The following B3GALT1 variants were observed in gnomAD, a reference collection of about 807,000 sequenced individuals.
The protein encoded by B3GALT1 is beta-1,3-galactosyltransferase 1.
Under a neutral mutation model 23.2 loss-of-function variants are expected in B3GALT1, and 10 were observed. The ratio of observed to expected loss-of-function variants is 0.43; its 90% CI spans 0.27 to 0.73. The LOEUF (loss-of-function observed/expected upper bound fraction) is 0.73. B3GALT1 is among the 30% of genes least tolerant of loss of function. The pLI is 0.21. For missense variants in B3GALT1, 299 were observed against 405.4 expected (o/e 0.74, Z 2.25); for synonymous variants, 156 against 141.5 (o/e 1.10, Z -0.73).
At chr2:167,426,290 T>TC (rs1698623167) in intron 1 of B3GALT1, among the ~76,000 whole-genome samples, 2 of 151,450 alleles carry the variant, frequency 1.3e-5, no homozygotes, top group Admixed American at 1.3e-4. Flanking sequence ...TTTTTTTTTT[T>TC]TTGAGATGGA....
At chr2:167,337,883 C>T (rs1309661786) in intron 1 of B3GALT1, among the ~76,000 whole-genome samples, 2 of 152,140 alleles carry the variant, frequency 1.3e-5, no homozygotes, top group Non-Finnish European at 2.9e-5. Context: ...TATTATTACT[C>T]ATATTGGAAC....
intron 3 of B3GALT1, among the ~76,000 whole-genome samples, chr2:167,776,467 G>A (rs1253073807): frequency 2.0e-5 from 3 of 152,146 alleles, no homozygotes; most frequent in African/African-American, 7.2e-5. Flanking sequence ...GATGACATAG[G>A]GTTTTCTGAG....
At chr2:167,570,692 G>T (rs1350392696) in intron 2 of B3GALT1, among the ~76,000 whole-genome samples, 1 of 151,686 alleles carries the variant, frequency 6.6e-6, no homozygotes, top group Admixed American at 6.6e-5. Flanking sequence ...ATGTCCTTTA[G>T]TTTTTTTCTT....
In B3GALT1 at chr2:167,569,032, A is replaced by G. The variant is rs192026710; in HGVS notation, c.-409-77877A>G. Among the ~76,000 whole-genome samples, 165 of 151,934 alleles carry G rather than the reference A, an allele frequency of 1.1e-3. 1 individual carries two copies. Among genetic ancestry groups the G allele is most frequent in the African/African-American group, 3.6e-3 (150 of 41,512 alleles). ...TTCCTTTTTCAAAGATCCATTGACC[A>G]TATTTATGTGGGCTTTTTCTGGGTT... On this transcript the variant is annotated intron_variant, in intron 2 of 4. Coordinates refer to ENST00000392690, the MANE Select transcript of B3GALT1 (RefSeq NM_020981.4).
chr2:167,667,216 G>A (rs12618544), intron 3 of B3GALT1, among the ~76,000 whole-genome samples: 1 of 152,004 alleles, frequency 6.6e-6, no homozygotes, highest in Admixed American at 6.5e-5. Context: ...ATGAAGCTTA[G>A]TTTGGCTGGA....
intron 3 of B3GALT1, among the ~76,000 whole-genome samples, chr2:167,663,285 T>G (rs1380385627): frequency 1.7e-4 from 26 of 152,066 alleles, no homozygotes; most frequent in Admixed American, 5.2e-4. Context: ...CAAAGGACAT[T>G]AACTCATCAT....
intron 1 of B3GALT1, among the ~76,000 whole-genome samples, chr2:167,299,620 A>G (rs1696413601): frequency 6.6e-6 from 1 of 152,168 alleles, no homozygotes; most frequent in South Asian, 2.1e-4. Flanking sequence ...AGCAACAATT[A>G]ACAAATAATA....
chr2:167,733,431 T>G (rs1449422452), intron 3 of B3GALT1, among the ~76,000 whole-genome samples: 2 of 150,966 alleles, frequency 1.3e-5, no homozygotes, highest in South Asian at 2.1e-4. Context: ...TTTTTTTTTT[T>G]AGCTCATCAG....
At chr2:167,761,218 CT>C (rs1382738069) in intron 3 of B3GALT1, among the ~76,000 whole-genome samples, 1 of 152,150 alleles carries the variant, frequency 6.6e-6, no homozygotes, top group Non-Finnish European at 1.5e-5. Flanking sequence ...AGTAGCAGGT[CT>C]TTTTTCTGCA....
At chr2:167,727,903 C>T (rs1245333526) in intron 3 of B3GALT1, among the ~76,000 whole-genome samples, 1 of 138,842 alleles carries the variant, frequency 7.2e-6, no homozygotes, top group African/African-American at 2.9e-5. Flanking sequence ...TGAAAGTCAG[C>T]TAGAAGCTTT....
At chr2:167,711,066 A>G (rs954717555) in intron 3 of B3GALT1, among the ~76,000 whole-genome samples, 13 of 151,868 alleles carry the variant, frequency 8.6e-5, no homozygotes, top group African/African-American at 3.1e-4. Context: ...TCTTTTACCC[A>G]TCTTCCACTT....
intron 1 of B3GALT1, among the ~76,000 whole-genome samples, chr2:167,378,049 GAA>G (rs1410386800): frequency 1.3e-5 from 2 of 152,140 alleles, no homozygotes; most frequent in Non-Finnish European, 2.9e-5. Flanking sequence ...TGCTTGACTG[GAA>G]AAAGATTTTA....
At chr2:167,581,356 A>C (rs1684480630) in intron 2 of B3GALT1, among the ~76,000 whole-genome samples, 1 of 152,224 alleles carries the variant, frequency 6.6e-6, no homozygotes, top group South Asian at 2.1e-4. Flanking sequence ...GAAACACTAT[A>C]ATAAATTGCT....
At chr2:167,324,356 A>G (rs1315739540) in intron 1 of B3GALT1, among the ~76,000 whole-genome samples, 1 of 151,956 alleles carries the variant, frequency 6.6e-6, no homozygotes, top group East Asian at 1.9e-4. Context: ...ACTTGTTTTG[A>G]TTGTCTTAGT....
At chr2:167,776,397 A>C (rs1329371601) in intron 3 of B3GALT1, among the ~76,000 whole-genome samples, 2 of 152,210 alleles carry the variant, frequency 1.3e-5, no homozygotes, top group African/African-American at 4.8e-5. Flanking sequence ...CCACTGGCTG[A>C]ACTTACTTAA....
At chr2:167,572,549 C>T (rs1684313394) in intron 2 of B3GALT1, among the ~76,000 whole-genome samples, 1 of 151,696 alleles carries the variant, frequency 6.6e-6, no homozygotes, top group South Asian at 2.1e-4. Flanking sequence ...TCATTTTAGC[C>T]ATGTCTCACC....
chr2:167,649,055 A>C (rs999949953), intron 3 of B3GALT1, among the ~76,000 whole-genome samples: 1 of 152,066 alleles, frequency 6.6e-6, no homozygotes, highest in Non-Finnish European at 1.5e-5. Context: ...AGAGCAAATA[A>C]TGTTTTTTTA....
chr2:167,542,407 A>C (rs1683548004), intron 2 of B3GALT1, among the ~76,000 whole-genome samples: 4 of 152,166 alleles, frequency 2.6e-5, no homozygotes, highest in African/African-American at 9.6e-5. Context: ...TTCTGTGTTT[A>C]AAATGTGGCC....
At chr2:167,849,095 G>A (rs574466530) in intron 4 of B3GALT1, among the ~76,000 whole-genome samples, 15 of 152,108 alleles carry the variant, frequency 9.9e-5, no homozygotes, top group Admixed American at 7.2e-4. Flanking sequence ...ACAAACAAAC[G>A]GAAACATATC....
Sources: gnomAD v4.1 joint callset for allele counts (sites outside exome capture counted in the v4.1 genomes callset) on GRCh38, gnomAD v4.1.1 for gene constraint, MANE v1.5 for transcripts, NCBI Gene and HGNC (gene_info 2026-07-23, HGNC 2026-07-21) for gene names.